Variants in PPP1R13B observed in about 807,000 individuals in gnomAD.
PPP1R13B encodes protein phosphatase 1 regulatory subunit 13B.
PPP1R13B carries 44 observed loss-of-function variants against 119.8 expected under a neutral mutation model. That is an observed-to-expected ratio of 0.37 (90% CI 0.29 to 0.47). PPP1R13B has a LOEUF of 0.47. PPP1R13B is among the 20% of genes least tolerant of loss of function. PPP1R13B has a pLI of 0.99. For synonymous variants in PPP1R13B, 542 were observed against 561.5 expected (o/e 0.97, Z 0.49); for missense variants, 1,227 against 1,413.5 (o/e 0.87, Z 2.12).
In PPP1R13B at chr14:103,738,967, T is replaced by A. The variant is rs2084180239; in HGVS notation, c.2649A>T (p.Arg883Ser). ...GCAGTGCCAGGGGGTTAAACCGGAC[T>A]CTCAGCCCGTGCCCCGTCCGCTCCG... ...PNSERTGHGL[R>S]VRFNPLALLL... Residue 883 changes from arginine to serine, a missense_variant, in exon 13 of 17, where the codon AGA becomes AGT. Arg to Ser is a moderately radical substitution (Grantham distance 110). Coordinates refer to ENST00000202556, the MANE Select transcript of PPP1R13B (RefSeq NM_015316.3). The surrounding 1 kb of genome is among the most constrained non-coding windows in gnomAD (Gnocchi z 5.6). 1.9e-6 allele frequency: 3 copies of A among 1,614,112 alleles called. No individual in the cohort carries two copies. The African/African-American group carries it at 4.0e-5, about 22-fold the overall frequency.
In PPP1R13B at chr14:103,824,039, C is replaced by CTTTTT. The variant is rs35194586; in HGVS notation, c.9+23255_9+23259dup. Reference sequence around the variant, plus strand: ...CAGCTGAAAAACATTCTACCTCATCCTTTTTTTTTTTTTTTTTTTTTTTTT... The same window carrying CTTTTT: ...CAGCTGAAAAACATTCTACCTCATCCTTTTTTTTTTTTTTTTTTTTTTTTTTTTTT... On this transcript the variant is annotated intron_variant, in intron 1 of 16. Coordinates refer to ENST00000202556, the MANE Select transcript of PPP1R13B (RefSeq NM_015316.3). Among the ~76,000 whole-genome samples, 98 of 75,132 alleles carry CTTTTT rather than the reference C, an allele frequency of 1.3e-3. 1 individual carries two copies. Among genetic ancestry groups the CTTTTT allele is most frequent in the African/African-American group, 1.9e-3 (36 of 19,130 alleles). 49.3% of individuals were successfully genotyped at this position (75,132 alleles called of 152,430 possible). A position where few individuals can be genotyped will look rare whatever the true frequency, so the allele number is the denominator to read the frequency against.
intron 1 of PPP1R13B, among the ~76,000 whole-genome samples, chr14:103,798,890 A>T (rs2085826214): frequency 6.6e-6 from 1 of 151,922 alleles, no homozygotes; most frequent in Non-Finnish European, 1.5e-5. Context: ...GGGTATTGCC[A>T]TGCTGCCCAG....
At chr14:103,797,661 G>C (rs917543315) in intron 1 of PPP1R13B, 143 bp from the exon 2 acceptor site, 3 of 456,614 alleles carry the variant, frequency 6.6e-6, no homozygotes, top group Admixed American at 8.8e-5. Context: ...TAGATAAGCT[G>C]ATTCTAAAGT....
At chr14:103,845,128 A>G (rs1187416) in intron 1 of PPP1R13B, among the ~76,000 whole-genome samples, 67,799 of 152,104 alleles carry the variant, frequency 0.45, 15,611 homozygotes, top group African/African-American at 0.56. Context: ...ATTGGACAGT[A>G]CTGCTCTACA....
In PPP1R13B at chr14:103,823,955, T is replaced by C. The variant is rs1379242467; in HGVS notation, c.9+23344A>G. ...ACACCACAAAACACTTTCCTTCCTT[T>C]TTCACAATGAGGCCACATGAAGTAG... On this transcript the variant is annotated intron_variant, in intron 1 of 16. Transcript: ENST00000202556. 2.0e-5 allele frequency among the ~76,000 whole-genome samples: 3 copies of C among 151,930 alleles called. No individual in the cohort carries two copies. The East Asian group carries it at 5.8e-4, about 29-fold the overall frequency.
At chr14:103,845,702 T>C (rs1461246873) in intron 1 of PPP1R13B, among the ~76,000 whole-genome samples, 3 of 152,222 alleles carry the variant, frequency 2.0e-5, no homozygotes, top group Non-Finnish European at 4.4e-5. Flanking sequence ...AAAATTTTTC[T>C]AGATATCCTT....
At position 103,847,348 on chromosome 14, in the gene PPP1R13B, G is replaced by T; in HGVS notation, c.-41C>A. ...CGACGCCCTCGGCCGCCGCCTGACA[G>T]GACGCTCCGCGCCGAGCTGTGCCCA... On this transcript the variant is annotated 5_prime_UTR_variant, in exon 1 of 17. The change creates a new upstream start codon in the 5' untranslated region. Transcript: ENST00000202556. 1 of 1,192,402 alleles carries T rather than the reference G, an allele frequency of 8.4e-7. No individual in the cohort carries two copies. The highest frequency in any genetic ancestry group is 1.6e-5 in the African/African-American group (1 of 61,080). The allele number at this position is 1,192,402 out of a possible 1,614,324, so 73.9% of individuals were successfully genotyped here. A position where few individuals can be genotyped will look rare whatever the true frequency, so the allele number is the denominator to read the frequency against.
chr14:103,827,528 C>T (rs1199179747), intron 1 of PPP1R13B, among the ~76,000 whole-genome samples: 1 of 151,626 alleles, frequency 6.6e-6, no homozygotes, highest in Non-Finnish European at 1.5e-5. Context: ...CAATACATCA[C>T]AAACTGCTAG....
At chr14:103,804,506 T>TA in intron 1 of PPP1R13B, among the ~76,000 whole-genome samples, 1 of 152,216 alleles carries the variant, frequency 6.6e-6, no homozygotes, top group Middle Eastern at 3.4e-3. Context: ...GAGGATCGCT[T>TA]AGGCCCAGGA....
intron 1 of PPP1R13B, among the ~76,000 whole-genome samples, chr14:103,830,433 C>G (rs895973561): frequency 2.0e-5 from 3 of 152,082 alleles, no homozygotes; most frequent in Non-Finnish European, 4.4e-5. Flanking sequence ...TCATTTAAAA[C>G]TCGTAAAACC....
chr14:103,757,696 C>T lies in PPP1R13B; in HGVS notation c.410G>A (p.Arg137Lys). The change falls in exon 5 of 17, where the codon AGG becomes AAG. Residue 137 changes from arginine (R) to lysine (K), a missense_variant. Physicochemically the swap from Arg to Lys is conservative, Grantham distance 26. Transcript: ENST00000202556. ...CTGATTTTCAATCTGCTGCTGTTGC[C>T]TAGCTGCCATATCTTGGAGCTCTGA... ...TLSELQDMAARQQQQIENQQQ... is the reference protein window; with the variant it reads ...TLSELQDMAAKQQQQIENQQQ... 6.2e-7 allele frequency: 1 copy of T among 1,614,090 alleles called. No homozygotes were observed. The highest frequency in any genetic ancestry group is 8.5e-7 in the Non-Finnish European group (1 of 1,179,984).
chr14:103,778,014 C>A (rs185687943), intron 4 of PPP1R13B, among the ~76,000 whole-genome samples: 17 of 150,948 alleles, frequency 1.1e-4, no homozygotes, highest in Non-Finnish European at 2.2e-4. Flanking sequence ...TGCAATGGTG[C>A]GATCTTGGCT....
intron 11 of PPP1R13B, among the ~76,000 whole-genome samples, chr14:103,741,350 G>T (rs937628869): frequency 2.6e-5 from 4 of 152,204 alleles, no homozygotes; most frequent in African/African-American, 9.7e-5. Context: ...TGGGCTATGG[G>T]GGAGGCTCCT....
rs2084013981 is a variant in PPP1R13B, at chr14:103,733,790, G to C, written c.*1364C>G. ...GGTTTATTGTGCACATTTACACAGC[G>C]TCAGCAGCGTCTGGGCTGGCAGCGG... On this transcript the variant is annotated 3_prime_UTR_variant, in exon 17 of 17. Transcript: ENST00000202556. 6.6e-6 allele frequency: 1 copy of C among 152,434 alleles called. No homozygotes were observed. Among genetic ancestry groups the C allele is most frequent in the South Asian group, 2.1e-4 (1 of 4,828 alleles). The allele number at this position is 152,434 out of a possible 1,614,324, so 9.4% of individuals were successfully genotyped here.
intron 4 of PPP1R13B, among the ~76,000 whole-genome samples, chr14:103,761,496 G>A (rs1418691687): frequency 6.6e-6 from 1 of 152,014 alleles, no homozygotes; most frequent in Admixed American, 6.6e-5. Flanking sequence ...GGGCGCTGTG[G>A]CTCACACCTG....
At chr14:103,762,583 A>G (rs1304493756) in intron 4 of PPP1R13B, among the ~76,000 whole-genome samples, 1 of 144,680 alleles carries the variant, frequency 6.9e-6, no homozygotes, top group East Asian at 2.0e-4. Flanking sequence ...ATGTACCCTA[A>G]AACTTAAAGT....
intron 4 of PPP1R13B, among the ~76,000 whole-genome samples, chr14:103,761,177 G>A (rs1194796151): frequency 6.6e-6 from 1 of 151,458 alleles, no homozygotes; most frequent in African/African-American, 2.4e-5. Context: ...GGGAGGATGA[G>A]GTGGAAGGAA....
At chr14:103,819,240 G>A (rs866154149) in intron 1 of PPP1R13B, among the ~76,000 whole-genome samples, 2 of 152,170 alleles carry the variant, frequency 1.3e-5, no homozygotes, top group African/African-American at 4.8e-5. Flanking sequence ...AGCAGCCCTT[G>A]GAGGGTTTTA....
Position 103,742,314 on chromosome 14 carries a change from AAAAC to A in PPP1R13B, c.1321-27_1321-24del. The A allele has an allele frequency of 6.6e-7, 1 of 1,519,224 alleles. No homozygotes were observed. The highest frequency in any genetic ancestry group is 8.8e-7 in the Non-Finnish European group (1 of 1,141,626). The allele number at this position is 1,519,224 out of a possible 1,614,324, so 94.1% of individuals were successfully genotyped here. A position where few individuals can be genotyped will look rare whatever the true frequency, so the allele number is the denominator to read the frequency against. On this transcript the variant is annotated intron_variant, in intron 10 of 16. Coordinates refer to ENST00000202556, the MANE Select transcript of PPP1R13B (RefSeq NM_015316.3). This position sits in a 1 kb window ranked among gnomAD's most constrained non-coding sequence, Gnocchi z 4.9. ...GCCCTAAGTTTAGGTGTTAAGAAGA[AAAAC>A]AAAGTCACCCTTTGAACAGTTAAGA...
Sources: allele counts gnomAD v4.1 joint callset (sites outside exome capture counted in the v4.1 genomes callset), GRCh38; gene constraint gnomAD v4.1.1; non-coding constraint Gnocchi (gnomAD v3.1); transcripts MANE v1.5; gene names NCBI Gene and HGNC (gene_info 2026-07-23, HGNC 2026-07-21).